APOH: variants seen among roughly 807,000 people sequenced by gnomAD.
APOH encodes apolipoprotein H, also known as beta-2-glycoprotein 1.
Under a neutral mutation model 39.8 loss-of-function variants are expected in APOH, and 48 were observed. The ratio of observed to expected loss-of-function variants is 1.21; its 90% CI spans 0.96 to 1.54. The LOEUF (loss-of-function observed/expected upper bound fraction) is 1.54. Among genes scored for constraint, APOH ranks in the 40% most tolerant of loss-of-function variants. The pLI is 0.00. For synonymous variants in APOH, 153 were observed against 151.1 expected (o/e 1.01, Z -0.09); for missense variants, 415 against 421.2 (o/e 0.99, Z 0.13).
chr17:66,218,650 C>T (rs868596451), intron 5 of APOH, among the ~76,000 whole-genome samples: 8 of 152,130 alleles, frequency 5.3e-5, no homozygotes, highest in African/African-American at 1.7e-4. Context: ...GATTATGGAA[C>T]ATTCTACAAG....
chr17:66,218,510 T>C (rs2073379018), intron 5 of APOH, among the ~76,000 whole-genome samples: 1 of 152,064 alleles, frequency 6.6e-6, no homozygotes, highest in Admixed American at 6.6e-5. Context: ...GGTTTCACCA[T>C]ATTGGCCAGG....
chr17:66,222,289 T>C (rs2073407016), intron 4 of APOH, among the ~76,000 whole-genome samples: 1 of 151,988 alleles, frequency 6.6e-6, no homozygotes, highest in African/African-American at 2.4e-5. Flanking sequence ...CTCAGGAGAC[T>C]GAGAGGATCA....
chr17:66,216,623 C>A (rs2073367380), intron 6 of APOH, among the ~76,000 whole-genome samples, 165 bp downstream of exon 6: 1 of 152,196 alleles, frequency 6.6e-6, no homozygotes, highest in Non-Finnish European at 1.5e-5. Context: ...ACTTCCTAAG[C>A]ATGAGGCTTC....
intron 1 of APOH, among the ~76,000 whole-genome samples, chr17:66,229,085 G>A (rs539138447): frequency 1.3e-5 from 2 of 151,920 alleles, no homozygotes; most frequent in African/African-American, 2.4e-5. Flanking sequence ...CGCCCACCTC[G>A]GCCATGATGC....
intron 3 of APOH, 36 bp from the exon 4 acceptor site, chr17:66,223,810 A>C (rs761362688): frequency 1.9e-6 from 3 of 1,559,918 alleles, no homozygotes; most frequent in Non-Finnish European, 2.7e-6. Context: ...AAGGAGTAAA[A>C]TAATCCATCA....
At position 66,214,444 on chromosome 17, in the gene APOH, C is replaced by A; in HGVS notation, c.982+9G>T. ...GGAGTCCTAGCTAAACGTTCCAATG[C>A]AGACTTACCCTTGAAGCATTTGGGG... On this transcript the variant is annotated intron_variant, in intron 7 of 7. Coordinates refer to ENST00000205948, the MANE Select transcript of APOH (RefSeq NM_000042.3). 6.2e-7 allele frequency: 1 copy of A among 1,612,430 alleles called. No individual in the cohort carries two copies. Among genetic ancestry groups the A allele is most frequent in the Non-Finnish European group, 8.5e-7 (1 of 1,178,806 alleles).
At chr17:66,214,374 C>T (rs1326739556) in intron 7 of APOH, 79 bp downstream of exon 7, 9 of 1,404,810 alleles carry the variant, frequency 6.4e-6, no homozygotes, top group African/African-American at 1.4e-5. Context: ...TGGTTTTTGA[C>T]AATCATTATA....
At chr17:66,224,576 G>A (rs1282700900) in intron 3 of APOH, among the ~76,000 whole-genome samples, 4 of 144,428 alleles carry the variant, frequency 2.8e-5, no homozygotes, top group Non-Finnish European at 3.0e-5. Flanking sequence ...AAGACGGAAG[G>A]AAGGGAGGGA....
rs374425639 is a variant in APOH at position 66,228,021 on chromosome 17, T to G, written c.240A>C (p.Thr80=). The stretch of plus-strand genomic sequence containing the variant: ...ATGTGAGAGAAGGTACTGACTTACG[T>G]GTACATTTCAGAGTGTTGATGGGCC... ...GLWPINTLKC[T]PRVCPFAGIL... The change falls in exon 2 of 8, where the codon ACA becomes ACC. Residue 80 remains threonine (T), a splice_region_variant and synonymous_variant. Transcript: ENST00000205948. The G allele has an allele frequency of 7.4e-5, 119 of 1,612,356 alleles. 1 individual carries two copies. Among genetic ancestry groups the G allele is most frequent in the Middle Eastern group, 5.0e-4 (3 of 6,042 alleles).
intron 5 of APOH, 82 bp downstream of exon 5, chr17:66,220,472 C>T: frequency 7.3e-7 from 1 of 1,367,866 alleles, no homozygotes; most frequent in South Asian, 1.3e-5. Context: ...TGGAAACACT[C>T]CATGATAGTC....
At chr17:66,220,844 A>G (rs2146995258) in intron 4 of APOH, 102 bp from the exon 5 acceptor site, 1 of 1,175,034 alleles carries the variant, frequency 8.5e-7, no homozygotes. Context: ...ACTTGAGAAA[A>G]TGCAAACTGA....
chr17:66,227,590 G>A (rs1329011294), intron 2 of APOH, among the ~76,000 whole-genome samples: 2 of 152,072 alleles, frequency 1.3e-5, no homozygotes, highest in East Asian at 1.9e-4. Flanking sequence ...TATACATAAT[G>A]TAGATGAAAT....
rs1480976176 is a variant in APOH, at chr17:66,220,678, A to G, written c.480T>C (p.Ala160=). 1.9e-6 allele frequency: 3 copies of G among 1,614,206 alleles called. No homozygotes were observed. Among genetic ancestry groups the G allele is most frequent in the South Asian group, 2.2e-5 (2 of 91,084 alleles). ...TGTCCCGATAGAGGGAATTGTTTCC[A>G]GCTGATGGCTTATAAACACGAAGTG... is the stretch of plus-strand genomic sequence containing the variant. ...FATLRVYKPS[A]GNNSLYRDTA... is the part of the protein sequence containing the mutation. The change falls in exon 5 of 8, where the codon GCT becomes GCC. Residue 160 remains alanine, a synonymous_variant. Coordinates refer to ENST00000205948, the MANE Select transcript of APOH (RefSeq NM_000042.3).
chr17:66,224,495 A>T (rs1420921161), intron 3 of APOH, among the ~76,000 whole-genome samples: 2 of 143,480 alleles, frequency 1.4e-5, no homozygotes, highest in Non-Finnish European at 3.1e-5. Context: ...AAAAAAAGAA[A>T]AGAAAAGAAG....
chr17:66,226,088 C>T lies in APOH; in HGVS notation c.278G>A (p.Gly93Glu), dbSNP rs138448367. The change falls in exon 3 of 8, where the codon GGA (glycine) becomes GAA (glutamate). Residue 93 changes from glycine (G) to glutamate (E), a missense_variant. By Grantham distance (98) the Gly-to-Glu change is moderately conservative (BLOSUM62 -2). This residue lies in a region of APOH where 288 missense variants were observed against 284.9 expected (regional missense o/e 1.01). Transcript: ENST00000205948. The part of the protein sequence containing the change: ...VCPFAGILEN[G>E]AVRYTTFEYP... The stretch of plus-strand genomic sequence containing the variant: ...TTCAAAAGTCGTATAGCGTACGGCT[C>T]CATTTTCTAAGATTCCAGCAAAAGG... 1.9e-6 allele frequency: 3 copies of T among 1,613,334 alleles called. No homozygotes were observed. The African/African-American group carries it at 4.0e-5, about 22-fold the overall frequency.
At chr17:66,223,655 A>G in intron 4 of APOH, 43 bp downstream of exon 4, 1 of 1,572,910 alleles carries the variant, frequency 6.4e-7, no homozygotes. Flanking sequence ...AAAACCAGAA[A>G]GGTTCTGGGC....
At chr17:66,214,130 G>A (rs1458091872) in intron 7 of APOH, among the ~76,000 whole-genome samples, 1 of 152,096 alleles carries the variant, frequency 6.6e-6, no homozygotes, top group Admixed American at 6.5e-5. Flanking sequence ...CGCGATCTCG[G>A]CTCACTGCAA....
intron 4 of APOH, among the ~76,000 whole-genome samples, chr17:66,221,779 C>G (rs1458386688): frequency 6.6e-6 from 1 of 152,166 alleles, no homozygotes; most frequent in Non-Finnish European, 1.5e-5. Flanking sequence ...GCTTGTCACC[C>G]TGACCTGAGT....
intron 6 of APOH, 123 bp from the exon 7 acceptor site, chr17:66,214,773 A>G (rs1017485159): frequency 4.2e-5 from 31 of 745,942 alleles, no homozygotes; most frequent in Non-Finnish European, 6.2e-5. Flanking sequence ...AGAAAAATCC[A>G]AGAATATATA....
Sources: gnomAD v4.1 joint callset for allele counts (sites outside exome capture counted in the v4.1 genomes callset) on GRCh38, gnomAD v4.1.1 for gene constraint, gnomAD v4.1.1 regional missense constraint, MANE v1.5 for transcripts, NCBI Gene and HGNC (gene_info 2026-07-23, HGNC 2026-07-21) for gene names.